The following MGAM2 variants were observed in gnomAD, a reference collection of about 807,000 sequenced individuals.
The protein encoded by MGAM2 is probable maltase-glucoamylase 2.
MGAM2 carries 98 observed loss-of-function variants against 96.1 expected under a neutral mutation model. That is an observed-to-expected ratio of 1.02 (90% CI 0.87 to 1.21). MGAM2 has a LOEUF of 1.21. MGAM2 is among the 50% of genes most tolerant of loss of function. The probability of loss-of-function intolerance (pLI) is 0.00; values close to 1 mark genes in which losing one functional copy is unlikely to be tolerated. For synonymous variants in MGAM2, 749 were observed against 414.8 expected (o/e 1.81, Z -9.79); for missense variants, 2,055 against 1,182.4 (o/e 1.74, Z -10.82).
intron 46 of MGAM2, among the ~76,000 whole-genome samples, chr7:142,217,864 T>C (rs1797812658): frequency 6.6e-6 from 1 of 152,130 alleles, no homozygotes; most frequent in Middle Eastern, 3.2e-3. Flanking sequence ...GGCAGGAGGA[T>C]CACGTGGTCA....
At chr7:142,123,743 TTGA>T (rs1444058546) in intron 3 of MGAM2, among the ~76,000 whole-genome samples, 1 of 152,168 alleles carries the variant, frequency 6.6e-6, no homozygotes, top group Admixed American at 6.5e-5. Context: ...ATGGCGACTG[TTGA>T]TGACAAATAG....
At chr7:142,127,607 A>C (rs1005985535) in intron 3 of MGAM2, among the ~76,000 whole-genome samples, 2 of 151,974 alleles carry the variant, frequency 1.3e-5, no homozygotes, top group African/African-American at 4.8e-5. Context: ...CCAGGTGGAG[A>C]TAATTGAATC....
At position 142,200,088 on chromosome 7, in the gene MGAM2, C is replaced by A. The variant is rs533338218; in HGVS notation, c.5137+120C>A. 317 of 482,852 alleles carry A rather than the reference C, an allele frequency of 6.6e-4. 1 individual carries two copies. The highest frequency in any genetic ancestry group is 9.7e-4 in the Non-Finnish European group (265 of 273,578). 29.9% of individuals were successfully genotyped at this position (482,852 alleles called of 1,614,324 possible). A position where few individuals can be genotyped will look rare whatever the true frequency, so the allele number is the denominator to read the frequency against. On this transcript the variant is annotated intron_variant, in intron 45 of 47. Coordinates refer to ENST00000477922, the MANE Select transcript of MGAM2 (RefSeq NM_001293626.2). ...CTGCCTATTGTCAATAAGGCAATAA[C>A]ATTTGGAGAATTTTTCCAACTTTTG...
chr7:142,116,041 A>C (rs547929976), intron 1 of MGAM2, among the ~76,000 whole-genome samples: 1 of 152,162 alleles, frequency 6.6e-6, no homozygotes, highest in Non-Finnish European at 1.5e-5. Context: ...GCTGTCATGG[A>C]TCTGTAGACA....
At chr7:142,188,109 AACACAC>A (rs60052742) in intron 36 of MGAM2, among the ~76,000 whole-genome samples, 4,075 of 143,450 alleles carry the variant, frequency 0.028, 82 homozygotes, top group Middle Eastern at 0.05. Flanking sequence ...TAAACCCTTA[AACACAC>A]ACACACACAC....
chr7:142,188,188 T>C (rs1796763832), intron 36 of MGAM2, among the ~76,000 whole-genome samples: 1 of 150,980 alleles, frequency 6.6e-6, no homozygotes, highest in Non-Finnish European at 1.5e-5. Context: ...AATTAAAACC[T>C]AGTTTCTGAA....
intron 44 of MGAM2, among the ~76,000 whole-genome samples, chr7:142,198,950 T>C (rs549241791): frequency 1.4e-4 from 22 of 152,328 alleles, no homozygotes; most frequent in Middle Eastern, 3.4e-3. Flanking sequence ...TACACACATA[T>C]ATTTTTGTCT....
At chr7:142,210,514 C>T (rs547347130) in intron 46 of MGAM2, among the ~76,000 whole-genome samples, 3 of 152,256 alleles carry the variant, frequency 2.0e-5, no homozygotes, top group South Asian at 2.1e-4. Context: ...GAGGGGCATC[C>T]GCCATTACTG....
intron 37 of MGAM2, among the ~76,000 whole-genome samples, chr7:142,191,372 G>A (rs954756116): frequency 5.3e-5 from 8 of 152,044 alleles, no homozygotes; most frequent in African/African-American, 1.5e-4. Context: ...CCTAATTCAA[G>A]GTCATGAAGA....
chr7:142,116,597 C>T (rs112128754), intron 1 of MGAM2, among the ~76,000 whole-genome samples: 96 of 152,314 alleles, frequency 6.3e-4, no homozygotes, highest in African/African-American at 2.2e-3. Context: ...CAACATTTTC[C>T]CTTCAGTTCT....
intron 26 of MGAM2, 138 bp from the exon 27 acceptor site, chr7:142,169,937 C>A: frequency 1.9e-6 from 1 of 538,900 alleles, no homozygotes; most frequent in East Asian, 3.0e-5. Context: ...GGCCTCACAT[C>A]CATTCGCTTG....
At chr7:142,177,127 A>T (rs1037136738) in intron 32 of MGAM2, among the ~76,000 whole-genome samples, 2 of 152,208 alleles carry the variant, frequency 1.3e-5, no homozygotes, top group African/African-American at 4.8e-5. Flanking sequence ...CAATAAAGAC[A>T]TACTTGAGAT....
At position 142,199,985 on chromosome 7, in the gene MGAM2, C is replaced by T. The variant is rs1235189929; in HGVS notation, c.5137+17C>T. ...AAAGCATTGGTGAGTATAAACTTTC[C>T]AGGGTCCCTGTACATCACTGAGAAA... On this transcript the variant is annotated intron_variant, in intron 45 of 47. Coordinates refer to ENST00000477922, the MANE Select transcript of MGAM2 (RefSeq NM_001293626.2). 1 of 651,688 alleles carries T rather than the reference C, an allele frequency of 1.5e-6. No individual in the cohort carries two copies. The highest frequency in any genetic ancestry group is 2.8e-6 in the Non-Finnish European group (1 of 360,382). 40.4% of individuals were successfully genotyped at this position (651,688 alleles called of 1,614,324 possible).
At chr7:142,174,256 T>C (rs953735928) in intron 31 of MGAM2, among the ~76,000 whole-genome samples, 2 of 152,250 alleles carry the variant, frequency 1.3e-5, no homozygotes, top group African/African-American at 2.4e-5. Context: ...ATTGAATCTA[T>C]AAATTGCTCT....
At chr7:142,218,858 T>A (rs1388131549) in intron 47 of MGAM2, among the ~76,000 whole-genome samples, 1 of 152,208 alleles carries the variant, frequency 6.6e-6, no homozygotes, top group Non-Finnish European at 1.5e-5. Context: ...TTATTTCTGC[T>A]GCAGAGGCTA....
At chr7:142,207,942 C>A (rs1797459371) in intron 45 of MGAM2, among the ~76,000 whole-genome samples, 1 of 151,956 alleles carries the variant, frequency 6.6e-6, no homozygotes, top group African/African-American at 2.4e-5. Context: ...GGAGGATGAG[C>A]TAAGAGTAGG....
intron 20 of MGAM2, among the ~76,000 whole-genome samples, chr7:142,159,808 T>A (rs1795835774): frequency 6.6e-6 from 1 of 152,202 alleles, no homozygotes; most frequent in Non-Finnish European, 1.5e-5. Flanking sequence ...ATAATTTGAA[T>A]AACTGGAGTA....
intron 17 of MGAM2, among the ~76,000 whole-genome samples, chr7:142,155,337 G>A (rs1303387380): frequency 6.6e-6 from 1 of 152,098 alleles, no homozygotes; most frequent in Admixed American, 6.5e-5. Context: ...CCACCTTTAG[G>A]CTCGTCTACC....
Position 142,146,804 on chromosome 7 carries a change from T to A in MGAM2, c.1517-652T>A, listed in dbSNP as rs185185424. ...GTGCAGTGGCACGATCTCGGCTCATTGCCACCTCCGCCTCCCGGGCTCAAG... is the reference window on the plus strand; with the variant it reads ...GTGCAGTGGCACGATCTCGGCTCATAGCCACCTCCGCCTCCCGGGCTCAAG... On this transcript the variant is annotated intron_variant, in intron 14 of 47. Transcript: ENST00000477922. 2.4e-3 allele frequency among the ~76,000 whole-genome samples: 363 copies of A among 152,154 alleles called. 3 individuals carry two copies. Among genetic ancestry groups the A allele is most frequent in the Non-Finnish European group, 4.5e-3 (307 of 67,996 alleles).
Sources: allele counts gnomAD v4.1 joint callset (sites outside exome capture counted in the v4.1 genomes callset), GRCh38; gene constraint gnomAD v4.1.1; transcripts MANE v1.5; gene names NCBI Gene and HGNC (gene_info 2026-07-23, HGNC 2026-07-21).